TFEC: variants seen among roughly 807,000 people sequenced by gnomAD.
TFEC encodes class E basic helix-loop-helix protein 34.
Under a neutral mutation model 41.6 loss-of-function variants are expected in TFEC, and 31 were observed. The ratio of observed to expected loss-of-function variants is 0.74; its 90% CI spans 0.56 to 1.01. The LOEUF (loss-of-function observed/expected upper bound fraction) is 1.01, where lower values mean the gene tolerates loss of function less well. TFEC is among the 50% of genes least tolerant of loss of function. The pLI is 0.00. For synonymous variants in TFEC, 143 were observed against 140.6 expected, an observed-to-expected ratio of 1.02 and a Z score of -0.12; for missense variants, 402 against 404.1, an observed-to-expected ratio of 0.99 and a Z score of 0.04.
intron 1 of TFEC, among the ~76,000 whole-genome samples, chr7:116,139,734 G>A (rs568950237): frequency 6.6e-6 from 1 of 152,206 alleles, no homozygotes; most frequent in African/African-American, 2.4e-5. Flanking sequence ...TTGTAGAAGA[G>A]AGGGAGTTTG....
At chr7:115,966,931 C>T (rs1412214762) in intron 3 of TFEC, among the ~76,000 whole-genome samples, 1 of 151,712 alleles carries the variant, frequency 6.6e-6, no homozygotes, top group African/African-American at 2.4e-5. Flanking sequence ...AACAAACTTG[C>T]AATACATTTT....
intron 3 of TFEC, among the ~76,000 whole-genome samples, chr7:116,068,989 A>C (rs1003306301): frequency 2.0e-4 from 30 of 151,754 alleles, no homozygotes; most frequent in Non-Finnish European, 3.8e-4. Context: ...TAGAAAACAT[A>C]GGCAAATATG....
exon 3 of TFEC, chr7:116,110,878 A>G: frequency 6.5e-7 from 1 of 1,540,338 alleles, no homozygotes; most frequent in Non-Finnish European, 8.7e-7. Flanking sequence ...TTCAGCTGAA[A>G]TTGAAGTCCA....
intron 3 of TFEC, among the ~76,000 whole-genome samples, chr7:116,054,355 A>G (rs1796380858): frequency 6.6e-6 from 1 of 152,194 alleles, no homozygotes; most frequent in South Asian, 2.1e-4. Flanking sequence ...ATTTGGAATG[A>G]TAAGTTCTAG....
chr7:115,986,361 G>C (rs942579416), intron 1 of TFEC, among the ~76,000 whole-genome samples: 1 of 152,074 alleles, frequency 6.6e-6, no homozygotes, highest in Non-Finnish European at 1.5e-5. Context: ...AAAATTTAGA[G>C]AGTTTAAATG....
chr7:116,088,258 T>C (rs1797245841), intron 3 of TFEC, among the ~76,000 whole-genome samples: 2 of 152,150 alleles, frequency 1.3e-5, no homozygotes, highest in African/African-American at 4.8e-5. Flanking sequence ...TATAGAACTC[T>C]GTGCTGACCC....
intron 1 of TFEC, among the ~76,000 whole-genome samples, chr7:116,023,439 A>C (rs968035063): frequency 6.6e-6 from 1 of 152,188 alleles, no homozygotes; most frequent in African/African-American, 2.4e-5. Context: ...TGTGATATCA[A>C]ACTGATTTCA....
intron 1 of TFEC, among the ~76,000 whole-genome samples, chr7:116,136,250 C>T (rs1798430224): frequency 6.6e-6 from 1 of 151,952 alleles, no homozygotes; most frequent in African/African-American, 2.4e-5. Context: ...ATATTATGAA[C>T]TCTATTAATG....
intron 3 of TFEC, among the ~76,000 whole-genome samples, chr7:116,057,903 A>AGAT (rs1796466602): frequency 6.6e-6 from 1 of 151,868 alleles, no homozygotes. Context: ...CCAACAAAGG[A>AGAT]GATAAAATGC....
intron 5 of TFEC, among the ~76,000 whole-genome samples, chr7:115,951,832 G>T (rs1191780308): frequency 6.6e-6 from 1 of 151,878 alleles, no homozygotes; most frequent in Non-Finnish European, 1.5e-5. Context: ...CATCGTAAAT[G>T]TTCAACATAC....
intron 2 of TFEC, among the ~76,000 whole-genome samples, chr7:115,977,504 A>C (rs1201267419): frequency 1.3e-5 from 2 of 152,058 alleles, no homozygotes; most frequent in Non-Finnish European, 2.9e-5. Context: ...TAGCCAACAA[A>C]GTATCTTTTA....
chr7:116,089,824 A>G (rs543700119), intron 3 of TFEC, among the ~76,000 whole-genome samples: 2 of 152,262 alleles, frequency 1.3e-5, no homozygotes, highest in African/African-American at 4.8e-5. Flanking sequence ...ACATGAATAA[A>G]AACGTATGGA....
At chr7:116,113,437 G>A (rs10229532) in intron 1 of TFEC, among the ~76,000 whole-genome samples, 18,870 of 151,896 alleles carry the variant, frequency 0.12, 1,296 homozygotes, top group Middle Eastern at 0.18. Flanking sequence ...CTCTCAAGAA[G>A]GAACCACTCC....
At chr7:115,944,013 A>ATTTGTTTTTTTTTTTTTT (rs1793649440) in intron 6 of TFEC, among the ~76,000 whole-genome samples, 1 of 22,830 alleles carries the variant, frequency 4.4e-5, no homozygotes, top group Non-Finnish European at 1.0e-4. Flanking sequence ...ACAGGTCTGA[A>ATTTGTTTTTTTTTTTTTT]TTTTTTTTTT....
intron 3 of TFEC, among the ~76,000 whole-genome samples, chr7:116,038,216 T>C (rs532219899): frequency 6.6e-6 from 1 of 152,178 alleles, no homozygotes; most frequent in East Asian, 1.9e-4. Flanking sequence ...ATATTTAATC[T>C]TGGCATACAC....
intron 7 of TFEC, 96 bp downstream of exon 7, chr7:115,941,797 T>A: frequency 6.8e-7 from 1 of 1,467,044 alleles, no homozygotes; most frequent in Non-Finnish European, 9.2e-7. Flanking sequence ...AAATAATTGT[T>A]AATAAGAGAA....
chr7:116,125,157 T>A (rs1798184411), intron 1 of TFEC, among the ~76,000 whole-genome samples: 1 of 152,150 alleles, frequency 6.6e-6, no homozygotes, highest in Non-Finnish European at 1.5e-5. Context: ...GGTACCTCAA[T>A]AAAGATGAAA....
chr7:115,948,305 T>C (rs866595216), intron 6 of TFEC, among the ~76,000 whole-genome samples: 1 of 151,612 alleles, frequency 6.6e-6, no homozygotes, highest in South Asian at 2.1e-4. Context: ...CTGAAACTAT[T>C]CCAATCAATA....
At position 115,974,406 on chromosome 7, in the gene TFEC, TTATATATATATATATATATATA is replaced by T. The variant is rs572119521; in HGVS notation, c.181-172_181-151del. ...TATACATATATATAAAACCTCAATA[TTATATATATATATATATATATA>T]TATATATATATATATATATATAAAA... On this transcript the variant is annotated intron_variant, in intron 2 of 7. Coordinates refer to ENST00000265440, the MANE Select transcript of TFEC (RefSeq NM_012252.4). The T allele has an allele frequency of 6.5e-4, 42 of 65,014 alleles. 3 individuals are homozygous for T. The highest frequency in any genetic ancestry group is 7.6e-3 in the Middle Eastern group (1 of 132). The allele number at this position is 65,014 out of a possible 1,614,324, so 4.0% of individuals were successfully genotyped here. A position where few individuals can be genotyped will look rare whatever the true frequency, so the allele number is the denominator to read the frequency against.
Sources: gnomAD v4.1 joint callset for allele counts (sites outside exome capture counted in the v4.1 genomes callset) on GRCh38, gnomAD v4.1.1 for gene constraint, MANE v1.5 for transcripts, NCBI Gene and HGNC (gene_info 2026-07-23, HGNC 2026-07-21) for gene names.